The following EFR3A variants were observed in gnomAD, a reference collection of about 807,000 sequenced individuals.
EFR3A encodes the protein EFR3 homolog A, also known as protein EFR3 homolog A.
Under a neutral mutation model 104.4 loss-of-function variants are expected in EFR3A, and 76 were observed. The observed-to-expected ratio is 0.73, with a 90% confidence interval of 0.60 to 0.88. EFR3A has a LOEUF of 0.88. Ranked by LOEUF, EFR3A falls within the 40% of genes least tolerant of loss-of-function variation. The pLI is 0.00. For missense variants in EFR3A, 985 were observed against 1,012.5 expected, an observed-to-expected ratio of 0.97 and a Z score of 0.37; for synonymous variants, 330 against 330.0, an observed-to-expected ratio of 1.00 and a Z score of 0.00.
At chr8:131,919,144 TC>T (rs1586532246) in intron 1 of EFR3A, among the ~76,000 whole-genome samples, 1 of 152,034 alleles carries the variant, frequency 6.6e-6, no homozygotes, top group Non-Finnish European at 1.5e-5. Flanking sequence ...CTATCTTTTT[TC>T]CCCCCATATT....
At position 131,957,455 on chromosome 8, in the gene EFR3A, A is replaced by T. The variant is rs144742146; in HGVS notation, c.776+1550A>T. Reference sequence around the variant, plus strand: ...AACCTCTGCCTCCTGGGTTCCAGTGATTCTCCTGCCTCAGCCTCCCGAGTA... The same window carrying T: ...AACCTCTGCCTCCTGGGTTCCAGTGTTTCTCCTGCCTCAGCCTCCCGAGTA... On this transcript the variant is annotated intron_variant, in intron 7 of 22. Coordinates refer to ENST00000254624, the MANE Select transcript of EFR3A (RefSeq NM_015137.6). Among the ~76,000 whole-genome samples the T allele has an allele frequency of 7.2e-3, 1,083 of 149,610 alleles. 12 individuals carry two copies. The highest frequency in any genetic ancestry group is 0.025 in the African/African-American group (1,013 of 40,474).
intron 1 of EFR3A, among the ~76,000 whole-genome samples, chr8:131,930,695 A>G (rs1048110823): frequency 1.3e-5 from 2 of 152,056 alleles, no homozygotes; most frequent in Non-Finnish European, 2.9e-5. Flanking sequence ...GCATTTGAAA[A>G]TAATGGGGAA....
At chr8:131,945,489 G>C (rs944331961) in intron 3 of EFR3A, among the ~76,000 whole-genome samples, 1 of 151,946 alleles carries the variant, frequency 6.6e-6, no homozygotes, top group Non-Finnish European at 1.5e-5. Flanking sequence ...GTTTATTGGA[G>C]TATTCTATTC....
rs995697830 is a variant in EFR3A at position 131,904,094 on chromosome 8, T to A, written c.-219T>A. On this transcript the variant is annotated 5_prime_UTR_variant, in exon 1 of 23. Transcript: ENST00000254624. The stretch of plus-strand genomic sequence containing the variant: ...GCGCTGACGTAACGGGCGTGGGTCG[T>A]CCGTCGCGCCGCCCGGCGAGGAGTG... 39 of 436,702 alleles carry A rather than the reference T, an allele frequency of 8.9e-5. No homozygotes were observed. Among genetic ancestry groups the A allele is most frequent in the African/African-American group, 7.8e-4 (38 of 48,764 alleles). The allele number at this position is 436,702 out of a possible 1,614,324, so 27.1% of individuals were successfully genotyped here.
At chr8:131,966,676 T>C (rs1319982763) in intron 8 of EFR3A, among the ~76,000 whole-genome samples, 1 of 152,172 alleles carries the variant, frequency 6.6e-6, no homozygotes, top group African/African-American at 2.4e-5. Context: ...GCTATTTAGC[T>C]ATTAAATGAT....
At position 131,984,190 on chromosome 8, in the gene EFR3A, A is replaced by G; in HGVS notation, c.1627A>G (p.Asn543Asp). ...ATATTTGGGTTGTAAAGAGGAAGAC[A>G]ACGTTCAGAAAAACTATGAACTACT... Reference protein sequence around the residue: ...HIYLGCKEEDNVQKNYELLYT... With the variant: ...HIYLGCKEEDDVQKNYELLYT... Residue 543 changes from asparagine to aspartate, a missense_variant, in exon 15 of 23, where the codon AAC becomes GAC. Coordinates refer to ENST00000254624, the MANE Select transcript of EFR3A (RefSeq NM_015137.6). The G allele has an allele frequency of 1.2e-6, 2 of 1,612,646 alleles. No homozygotes were observed. The highest frequency in any genetic ancestry group is 1.7e-6 in the Non-Finnish European group (2 of 1,179,218).
At chr8:131,959,083 C>G (rs1233753156) in intron 7 of EFR3A, among the ~76,000 whole-genome samples, 2 of 152,064 alleles carry the variant, frequency 1.3e-5, no homozygotes, top group Non-Finnish European at 2.9e-5. Flanking sequence ...ATAATATATG[C>G]CTAGCATAAA....
At chr8:131,958,819 TAGA>T in intron 7 of EFR3A, among the ~76,000 whole-genome samples, 1 of 152,296 alleles carries the variant, frequency 6.6e-6, no homozygotes, top group Non-Finnish European at 1.5e-5. Flanking sequence ...TATATTAAAA[TAGA>T]AGCTACCACT....
At chr8:131,907,368 C>T (rs1041398288) in intron 1 of EFR3A, among the ~76,000 whole-genome samples, 1 of 152,158 alleles carries the variant, frequency 6.6e-6, no homozygotes, top group Non-Finnish European at 1.5e-5. Flanking sequence ...AAAACAGGTC[C>T]GGTAAAATGT....
intron 1 of EFR3A, among the ~76,000 whole-genome samples, chr8:131,925,476 A>T (rs1817251304): frequency 6.6e-6 from 1 of 152,132 alleles, no homozygotes; most frequent in South Asian, 2.1e-4. Flanking sequence ...AATCAATAAT[A>T]TGTGATGAGC....
chr8:131,983,142 A>G (rs1347491136), intron 14 of EFR3A, among the ~76,000 whole-genome samples: 1 of 152,190 alleles, frequency 6.6e-6, no homozygotes, highest in Non-Finnish European at 1.5e-5. Flanking sequence ...TTCTTCTCCT[A>G]AAATGATCAG....
intron 19 of EFR3A, among the ~76,000 whole-genome samples, chr8:131,999,864 A>T (rs1821702907): frequency 6.6e-6 from 1 of 152,286 alleles, no homozygotes; most frequent in South Asian, 2.1e-4. Context: ...TTTCATAAAA[A>T]GAATCTCTCA....
At position 131,950,106 on chromosome 8, in the gene EFR3A, C is replaced by G. The variant is rs1818626464; in HGVS notation, c.488+16C>G. ...TACGAACAGAGTATGTATTATTTTACTTTATGATCTATAGTAAGTAATTTA... is the reference window on the plus strand; with the variant it reads ...TACGAACAGAGTATGTATTATTTTAGTTTATGATCTATAGTAAGTAATTTA... On this transcript the variant is annotated intron_variant, in intron 5 of 22. Coordinates refer to ENST00000254624, the MANE Select transcript of EFR3A (RefSeq NM_015137.6). The G allele has an allele frequency of 1.3e-6, 2 of 1,585,024 alleles. No individual in the cohort carries two copies. The highest frequency in any genetic ancestry group is 2.3e-5 in the South Asian group (2 of 87,506).
At chr8:131,933,138 A>G (rs1324930875) in intron 1 of EFR3A, among the ~76,000 whole-genome samples, 2 of 152,156 alleles carry the variant, frequency 1.3e-5, no homozygotes, top group Non-Finnish European at 1.5e-5. Context: ...GACATTAGCC[A>G]ATCTTTTATA....
chr8:131,917,328 T>C (rs1009802068), intron 1 of EFR3A, among the ~76,000 whole-genome samples: 2 of 151,398 alleles, frequency 1.3e-5, no homozygotes, highest in Non-Finnish European at 2.9e-5. Context: ...TCCCCGTCGA[T>C]TGGTTTCTCG....
Position 131,944,824 on chromosome 8 carries a change from C to A in EFR3A, c.167C>A (p.Ser56Tyr). 6.2e-7 allele frequency: 1 copy of A among 1,610,550 alleles called. No homozygotes were observed. Among genetic ancestry groups the A allele is most frequent in the Non-Finnish European group, 8.5e-7 (1 of 1,178,286 alleles). Residue 56 changes from serine to tyrosine, a missense_variant, in exon 3 of 23, where the codon TCT (serine) becomes TAT (tyrosine). Transcript: ENST00000254624. ...CCAGAGAAACTGGATCGAATTGGTT[C>A]TTACCTGGCAGAAAGGTTGAGCAGG... ...SAPEKLDRIG[S>Y]YLAERLSRDV...
intron 1 of EFR3A, among the ~76,000 whole-genome samples, chr8:131,911,491 G>A (rs746909421): frequency 7.9e-5 from 12 of 152,146 alleles, no homozygotes; most frequent in Non-Finnish European, 1.3e-4. Flanking sequence ...TTAAAAGGCC[G>A]TTTTATCCAA....
chr8:131,962,200 C>T (rs1223988325), intron 8 of EFR3A, among the ~76,000 whole-genome samples: 1 of 152,140 alleles, frequency 6.6e-6, no homozygotes, highest in African/African-American at 2.4e-5. Context: ...ATCAAATTCA[C>T]ACATAACAAT....
chr8:131,913,701 G>A (rs768492875), intron 1 of EFR3A, among the ~76,000 whole-genome samples: 72 of 152,252 alleles, frequency 4.7e-4, no homozygotes, highest in African/African-American at 1.7e-3. Flanking sequence ...CATCCCTGTT[G>A]TTTAATTGGT....
Sources: allele counts gnomAD v4.1 joint callset (sites outside exome capture counted in the v4.1 genomes callset), GRCh38; gene constraint gnomAD v4.1.1; transcripts MANE v1.5; gene names NCBI Gene and HGNC (gene_info 2026-07-23, HGNC 2026-07-21).